GRIK1: variants seen among roughly 807,000 people sequenced by gnomAD.
GRIK1 encodes the protein glutamate ionotropic receptor kainate type subunit 1, also known as glutamate receptor ionotropic, kainate 1.
Under a neutral mutation model 105.7 loss-of-function variants are expected in GRIK1, and 69 were observed. The ratio of observed to expected loss-of-function variants is 0.65; its 90% CI spans 0.54 to 0.80. The LOEUF is 0.80. Ranked by LOEUF, GRIK1 falls within the 30% of genes least tolerant of loss-of-function variation. The pLI, the probability that GRIK1 is intolerant of heterozygous loss-of-function variation, is 0.00. For synonymous variants in GRIK1, 438 were observed against 431.3 expected (o/e 1.02, Z -0.19); for missense variants, 1,109 against 1,167.3 (o/e 0.95, Z 0.73).
chr21:29,642,894 T>A lies in GRIK1; in HGVS notation c.1030A>T (p.Ser344Cys), dbSNP rs1164172409. The A allele has an allele frequency of 1.2e-6, 2 of 1,613,940 alleles. No individual in the cohort carries two copies. Among genetic ancestry groups the A allele is most frequent in the Non-Finnish European group, 1.7e-6 (2 of 1,179,910 alleles). Residue 344 changes from serine to cysteine, a missense_variant, in exon 7 of 18, where the codon AGC (serine) becomes TGC (cysteine). Transcript: ENST00000327783. Reference protein sequence around the residue: ...ASHRASQLTVSSLQCHRHKPW... With the variant: ...ASHRASQLTVCSLQCHRHKPW... ...TTATGTCTATGGCACTGCAGGGAGC[T>A]GACGGTCAGCTGGGATGCCCGGTGC...
intron 1 of GRIK1, among the ~76,000 whole-genome samples, chr21:29,922,722 A>T (rs138371099): frequency 5.6e-4 from 86 of 152,346 alleles, no homozygotes; most frequent in Admixed American, 2.4e-3. Flanking sequence ...CTAAAGTTCA[A>T]ACTTACAGCT....
At position 29,540,455 on chromosome 21, in the gene GRIK1, G is replaced by C. The variant is rs185981960; in HGVS notation, c.2608-2571C>G. The stretch of plus-strand genomic sequence containing the variant: ...ACCTTTCTGCCTCCAAGTTTTTGCT[G>C]TAGTCACAAGGAAAGGTGACCTTTA... On this transcript the variant is annotated intron_variant, in intron 16 of 17. Transcript: ENST00000327783. Among the ~76,000 whole-genome samples the C allele has an allele frequency of 5.6e-3, 857 of 152,248 alleles. 8 individuals are homozygous for C. The highest frequency in any genetic ancestry group is 7.4e-3 in the Non-Finnish European group (503 of 68,024).
intron 7 of GRIK1, among the ~76,000 whole-genome samples, chr21:29,638,889 C>A (rs1005416270): frequency 3.3e-5 from 5 of 152,112 alleles, no homozygotes; most frequent in Non-Finnish European, 5.9e-5. Context: ...TATGTAATCC[C>A]TACAAACTTA....
At chr21:29,695,347 C>T (rs937704472) in intron 1 of GRIK1, among the ~76,000 whole-genome samples, 5 of 152,132 alleles carry the variant, frequency 3.3e-5, no homozygotes, top group East Asian at 1.9e-4. Flanking sequence ...ACCAATACTC[C>T]TCATTTCTTT....
At chr21:29,556,930 T>C (rs2090272052) in intron 15 of GRIK1, among the ~76,000 whole-genome samples, 1 of 152,184 alleles carries the variant, frequency 6.6e-6, no homozygotes, top group Admixed American at 6.5e-5. Context: ...TAAGATAAAC[T>C]TAAGAGTAGG....
intron 1 of GRIK1, among the ~76,000 whole-genome samples, chr21:29,783,748 A>G (rs1156740017): frequency 1.3e-5 from 2 of 152,110 alleles, no homozygotes; most frequent in African/African-American, 4.8e-5. Context: ...TTCTCTATTC[A>G]TTTCCACACA....
At chr21:29,563,438 T>A (rs1165189802) in intron 14 of GRIK1, among the ~76,000 whole-genome samples, 3 of 152,168 alleles carry the variant, frequency 2.0e-5, no homozygotes, top group Non-Finnish European at 4.4e-5. Flanking sequence ...AAACAGTACC[T>A]TATAGATATT....
chr21:29,896,960 G>A (rs2070190317), intron 1 of GRIK1, among the ~76,000 whole-genome samples: 2 of 152,076 alleles, frequency 1.3e-5, no homozygotes, highest in Admixed American at 6.6e-5. Context: ...CTGAGTCTGT[G>A]GGTTCCAAAA....
intron 1 of GRIK1, among the ~76,000 whole-genome samples, chr21:29,842,999 C>T (rs1403013749): frequency 6.6e-6 from 1 of 152,126 alleles, no homozygotes; most frequent in African/African-American, 2.4e-5. Context: ...ACTCTACAAT[C>T]CAATTATTTG....
intron 1 of GRIK1, among the ~76,000 whole-genome samples, chr21:29,848,779 A>ATATATATATATATATATTTTTTTTTTTT: frequency 1.8e-4 from 14 of 77,858 alleles, no homozygotes; most frequent in African/African-American, 7.0e-4. Context: ...ATATATATAT[A>ATATATATATATATATATTTTTTTTTTTT]TTTTTTTTTT....
At chr21:29,638,362 CATG>C (rs2062440681) in intron 7 of GRIK1, among the ~76,000 whole-genome samples, 1 of 152,078 alleles carries the variant, frequency 6.6e-6, no homozygotes, top group Non-Finnish European at 1.5e-5. Context: ...ACAAGAACAG[CATG>C]GGGGAAACGC....
At chr21:29,606,032 AAAG>A (rs1353034113) in intron 7 of GRIK1, among the ~76,000 whole-genome samples, 1 of 151,750 alleles carries the variant, frequency 6.6e-6, no homozygotes, top group Non-Finnish European at 1.5e-5. Context: ...AAAAAAAAAA[AAAG>A]ATTGTGTGAC....
chr21:29,847,777 G>T (rs1482963757), intron 1 of GRIK1, among the ~76,000 whole-genome samples: 1 of 151,972 alleles, frequency 6.6e-6, no homozygotes, highest in African/African-American at 2.4e-5. Context: ...TTTTCCATTG[G>T]TTGCATCGGG....
At chr21:29,627,176 C>T (rs1040087577) in intron 7 of GRIK1, among the ~76,000 whole-genome samples, 3 of 152,112 alleles carry the variant, frequency 2.0e-5, no homozygotes, top group South Asian at 4.1e-4. Flanking sequence ...TTATTATGTA[C>T]TTATATATAA....
intron 3 of GRIK1, among the ~76,000 whole-genome samples, chr21:29,688,766 G>A (rs1431657680): frequency 1.3e-5 from 2 of 152,182 alleles, no homozygotes; most frequent in Non-Finnish European, 2.9e-5. Flanking sequence ...TTAAGGAAGA[G>A]GGAAATTTGC....
chr21:29,735,993 A>G (rs184760456), intron 1 of GRIK1, among the ~76,000 whole-genome samples: 2,209 of 152,300 alleles, frequency 0.015, 22 homozygotes, highest in Non-Finnish European at 0.02. Context: ...ATCAAGTCAA[A>G]TGTTTTTCCC....
intron 16 of GRIK1, among the ~76,000 whole-genome samples, chr21:29,539,318 C>G (rs1289348070): frequency 6.6e-6 from 1 of 152,152 alleles, no homozygotes; most frequent in Non-Finnish European, 1.5e-5. Flanking sequence ...GCCTAGCTTA[C>G]CTTATACACA....
rs1039647100 is a variant in GRIK1, at chr21:29,796,075, T to C, written c.119-102012A>G. ...TGTCTCTTGAAATAAAGGATAGGAC[T>C]CAGTTATTACATATTCAAAATTTTG... On this transcript the variant is annotated intron_variant, in intron 1 of 17. Coordinates refer to ENST00000327783, the MANE Select transcript of GRIK1 (RefSeq NM_001330994.2). 4.6e-5 allele frequency among the ~76,000 whole-genome samples: 7 copies of C among 152,242 alleles called. No individual in the cohort carries two copies. The East Asian group carries it at 1.3e-3, about 29-fold the overall frequency.
In GRIK1 at chr21:29,925,423, A is replaced by C. The variant is rs1001798600; in HGVS notation, c.118+13960T>G. Among the ~76,000 whole-genome samples the C allele has an allele frequency of 2.6e-5, 4 of 152,196 alleles. No individual in the cohort carries two copies. In the East Asian group the frequency reaches 5.8e-4, roughly 22 times the overall value. On this transcript the variant is annotated intron_variant, in intron 1 of 17. Coordinates refer to ENST00000327783, the MANE Select transcript of GRIK1 (RefSeq NM_001330994.2). ...CCTCATTAATGTATTTTATCAGATT[A>C]TAATATATGTATTTTTATAAGCCTT...
Sources: gnomAD v4.1 joint callset for allele counts (sites outside exome capture counted in the v4.1 genomes callset) on GRCh38, gnomAD v4.1.1 for gene constraint, MANE v1.5 for transcripts, NCBI Gene and HGNC (gene_info 2026-07-23, HGNC 2026-07-21) for gene names.